CNNM2: variants seen among roughly 807,000 people sequenced by gnomAD.
The protein encoded by CNNM2 is metal transporter CNNM2.
CNNM2 carries 12 observed loss-of-function variants against 66.9 expected under a neutral mutation model. The ratio of observed to expected loss-of-function variants is 0.18; its 90% CI spans 0.11 to 0.29. The LOEUF is 0.29. Ranked by LOEUF, CNNM2 falls within the 10% of genes least tolerant of loss-of-function variation. The pLI, the probability that CNNM2 is intolerant of heterozygous loss-of-function variation, is 1.00. For synonymous variants in CNNM2, 557 were observed against 501.8 expected, an observed-to-expected ratio of 1.11 and a Z score of -1.47; for missense variants, 705 against 1,167.7, an observed-to-expected ratio of 0.60 and a Z score of 5.77.
chr10:102,980,685 A>G (rs1472109672), intron 1 of CNNM2, among the ~76,000 whole-genome samples: 1 of 152,170 alleles, frequency 6.6e-6, no homozygotes, highest in Non-Finnish European at 1.5e-5. Flanking sequence ...CTGTTGTTAT[A>G]ATTATCAGAT....
intron 1 of CNNM2, among the ~76,000 whole-genome samples, chr10:103,025,656 C>T (rs1197216508): frequency 4.6e-5 from 7 of 152,158 alleles, no homozygotes; most frequent in East Asian, 1.9e-4. Flanking sequence ...GAATCACATC[C>T]GTAGTATATC....
chr10:103,069,827 G>A (rs182534903), intron 5 of CNNM2, among the ~76,000 whole-genome samples: 107 of 152,304 alleles, frequency 7.0e-4, no homozygotes, highest in African/African-American at 2.3e-3. Flanking sequence ...CAAATGATGT[G>A]CGGTTTTAGG....
chr10:103,051,414 A>T (rs572186626), intron 2 of CNNM2, among the ~76,000 whole-genome samples: 2 of 148,820 alleles, frequency 1.3e-5, no homozygotes, highest in East Asian at 4.1e-4. Flanking sequence ...CTGGTGACAG[A>T]GCCAGACTCT....
chr10:103,061,686 A>C (rs2065388699), intron 4 of CNNM2, among the ~76,000 whole-genome samples: 1 of 152,224 alleles, frequency 6.6e-6, no homozygotes, highest in South Asian at 2.1e-4. Context: ...AAATCTGATA[A>C]TATAAGCCAA....
intron 1 of CNNM2, among the ~76,000 whole-genome samples, chr10:103,041,535 G>C (rs902783330): frequency 1.3e-5 from 2 of 152,022 alleles, no homozygotes; most frequent in African/African-American, 2.4e-5. Context: ...AGGCCAGTTC[G>C]GGCCTCCGTG....
intron 2 of CNNM2, among the ~76,000 whole-genome samples, chr10:103,050,435 G>C (rs2065196830): frequency 6.6e-6 from 1 of 151,862 alleles, no homozygotes; most frequent in African/African-American, 2.4e-5. Context: ...TACTCTGGAG[G>C]CTAAAGCAGG....
chr10:102,923,629 A>G (rs1026310647), intron 1 of CNNM2, among the ~76,000 whole-genome samples: 1 of 152,216 alleles, frequency 6.6e-6, no homozygotes, highest in African/African-American at 2.4e-5. Flanking sequence ...TTAAACATAT[A>G]TATGGCTTTA....
At chr10:102,958,146 G>C (rs952544678) in intron 1 of CNNM2, among the ~76,000 whole-genome samples, 9 of 152,256 alleles carry the variant, frequency 5.9e-5, no homozygotes, top group Admixed American at 2.0e-4. Context: ...ATGTTGGTCA[G>C]GCTGATCTCG....
At chr10:103,033,738 G>A (rs1001098561) in intron 1 of CNNM2, among the ~76,000 whole-genome samples, 8 of 152,132 alleles carry the variant, frequency 5.3e-5, no homozygotes, top group African/African-American at 1.7e-4. Context: ...GCCTGCCTCG[G>A]CCTCCCAAAG....
chr10:102,981,857 G>C (rs2063726458), intron 1 of CNNM2, among the ~76,000 whole-genome samples: 1 of 151,742 alleles, frequency 6.6e-6, no homozygotes, highest in African/African-American at 2.4e-5. Flanking sequence ...GGGTTGGCCA[G>C]CTATTAGCTG....
intron 1 of CNNM2, among the ~76,000 whole-genome samples, chr10:102,999,710 C>G (rs1324398678): frequency 6.6e-6 from 1 of 152,096 alleles, no homozygotes; most frequent in East Asian, 1.9e-4. Flanking sequence ...TGTGGAAATT[C>G]AAGGGACACA....
At chr10:103,027,309 T>A (rs917924970) in intron 1 of CNNM2, 3 of 152,212 alleles carry the variant, frequency 2.0e-5, no homozygotes, top group Non-Finnish European at 4.4e-5. Context: ...GTTCCTTAGT[T>A]CTCTATTCTA....
chr10:102,964,901 T>G (rs557357239), intron 1 of CNNM2, among the ~76,000 whole-genome samples: 2 of 152,244 alleles, frequency 1.3e-5, no homozygotes, highest in East Asian at 3.9e-4. Flanking sequence ...CCATGAGGGC[T>G]TCTCCCTCAT....
intron 1 of CNNM2, among the ~76,000 whole-genome samples, chr10:102,944,295 C>T (rs908229106): frequency 2.6e-4 from 39 of 152,022 alleles, no homozygotes; most frequent in African/African-American, 8.9e-4. Context: ...GCCAGGCTGG[C>T]CTCGAACTCC....
At chr10:102,983,130 C>T (rs996072081) in intron 1 of CNNM2, among the ~76,000 whole-genome samples, 6 of 151,724 alleles carry the variant, frequency 4.0e-5, no homozygotes, top group Admixed American at 1.3e-4. Context: ...TGTGATAGAA[C>T]TAGAAATTTC....
intron 1 of CNNM2, among the ~76,000 whole-genome samples, chr10:102,956,039 G>A (rs1197387797): frequency 6.6e-6 from 1 of 152,196 alleles, no homozygotes; most frequent in East Asian, 1.9e-4. Flanking sequence ...TGTAATCCCA[G>A]CACTTTGGGA....
chr10:103,078,164 C>T lies in CNNM2; in HGVS notation c.*984C>T, dbSNP rs1219128873. 7 of 152,320 alleles carry T rather than the reference C, an allele frequency of 4.6e-5. No homozygotes were observed. In the East Asian group the frequency reaches 1.3e-3, roughly 29 times the overall value. The allele number at this position is 152,320 out of a possible 1,614,324, so 9.4% of individuals were successfully genotyped here. ...TTCAGTAAACACGTGATGTGGAGTG[C>T]AAGCTCCTCCCCTTCCCACTAGAAC... On this transcript the variant is annotated 3_prime_UTR_variant, in exon 8 of 8. Coordinates refer to ENST00000369878, the MANE Select transcript of CNNM2 (RefSeq NM_017649.5).
chr10:103,049,612 C>A, intron 1 of CNNM2, 95 bp from the exon 2 acceptor site: 2 of 1,124,656 alleles, frequency 1.8e-6, no homozygotes, highest in Non-Finnish European at 2.6e-6. Context: ...GATAATTCGA[C>A]ATCTGTGTTT....
intron 1 of CNNM2, among the ~76,000 whole-genome samples, chr10:103,035,128 A>T (rs908283194): frequency 3.3e-5 from 5 of 152,142 alleles, no homozygotes; most frequent in Non-Finnish European, 7.4e-5. Context: ...TGAAAAATAA[A>T]AAATAACTCC....
Sources: allele counts gnomAD v4.1 joint callset (sites outside exome capture counted in the v4.1 genomes callset), GRCh38; gene constraint gnomAD v4.1.1; transcripts MANE v1.5; gene names NCBI Gene and HGNC (gene_info 2026-07-23, HGNC 2026-07-21).